The following FGGY variants were observed in gnomAD, a reference collection of about 807,000 sequenced individuals.
FGGY encodes FGGY carbohydrate kinase domain-containing protein.
In FGGY, 72 loss-of-function variants were observed where a neutral mutation model predicts 71.3. The ratio of observed to expected loss-of-function variants is 1.01; its 90% confidence interval spans 0.84 to 1.23. FGGY has a LOEUF of 1.23. Among genes scored for constraint, FGGY ranks in the 50% most tolerant of loss-of-function variants. FGGY has a pLI of 0.00. For missense variants in FGGY, 668 were observed against 682.3 expected (o/e 0.98, Z 0.23); for synonymous variants, 251 against 250.3 (o/e 1.00, Z -0.02).
chr1:59,600,530 C>T (rs1212340294), intron 8 of FGGY, among the ~76,000 whole-genome samples: 1 of 152,080 alleles, frequency 6.6e-6, no homozygotes, highest in African/African-American at 2.4e-5. Flanking sequence ...GAAAGAAGAG[C>T]CTACCAAAGA....
chr1:59,360,391 G>T (rs1413643238), intron 4 of FGGY, among the ~76,000 whole-genome samples: 2 of 152,158 alleles, frequency 1.3e-5, no homozygotes, highest in African/African-American at 4.8e-5. Context: ...ACGGACCTGA[G>T]AAAGAGAGTG....
At chr1:59,692,505 T>C (rs189805091) in intron 14 of FGGY, among the ~76,000 whole-genome samples, 85 of 152,278 alleles carry the variant, frequency 5.6e-4, no homozygotes, top group African/African-American at 1.9e-3. Flanking sequence ...AGCCTCTGTT[T>C]TAAGCAAAAG....
chr1:59,375,025 C>T (rs190621430), intron 4 of FGGY, among the ~76,000 whole-genome samples: 24 of 151,136 alleles, frequency 1.6e-4, no homozygotes, highest in Admixed American at 1.1e-3. Context: ...GGTAACTAAC[C>T]TGCACATTGT....
intron 2 of FGGY, among the ~76,000 whole-genome samples, chr1:59,326,859 A>T (rs1310369507): frequency 1.3e-5 from 2 of 152,352 alleles, no homozygotes; most frequent in East Asian, 3.9e-4. Context: ...AACAAAGCTC[A>T]CATGAATTTT....
intron 14 of FGGY, among the ~76,000 whole-genome samples, chr1:59,730,124 C>T (rs2098007080): frequency 6.6e-6 from 1 of 152,094 alleles, no homozygotes; most frequent in African/African-American, 2.4e-5. Flanking sequence ...CAGCCCCCAA[C>T]ACTTCAAATT....
intron 1 of FGGY, among the ~76,000 whole-genome samples, chr1:59,318,933 T>C (rs2045923182): frequency 6.6e-6 from 1 of 152,106 alleles, no homozygotes; most frequent in Admixed American, 6.5e-5. Context: ...GAGAGGTTGG[T>C]AGAGGGAAGG....
In FGGY at chr1:59,389,194, C is replaced by T. The variant is rs79391999; in HGVS notation, c.554+10357C>T. On this transcript the variant is annotated intron_variant, in intron 5 of 15. Coordinates refer to ENST00000303721, the MANE Select transcript of FGGY (RefSeq NM_018291.5). ...AACTCCTGACCTTGTGATCCGCCCA[C>T]GGCTGAGTGAACAGATAAAAACTTT... 5.4e-3 allele frequency among the ~76,000 whole-genome samples: 819 copies of T among 152,328 alleles called. 7 individuals are homozygous for T. Among genetic ancestry groups the T allele is most frequent in the African/African-American group, 0.018 (764 of 41,582 alleles).
chr1:59,704,581 C>T (rs1032206140), intron 14 of FGGY, among the ~76,000 whole-genome samples: 1 of 151,924 alleles, frequency 6.6e-6, no homozygotes, highest in Non-Finnish European at 1.5e-5. Flanking sequence ...TTTTTATCTA[C>T]AAGATACTTT....
At chr1:59,613,036 A>G (rs1430747611) in intron 9 of FGGY, among the ~76,000 whole-genome samples, 1 of 152,220 alleles carries the variant, frequency 6.6e-6, no homozygotes, top group Non-Finnish European at 1.5e-5. Context: ...AGACTCCCAC[A>G]CAATAATAAT....
chr1:59,734,194 G>A (rs1225759926), intron 14 of FGGY, among the ~76,000 whole-genome samples: 7 of 152,126 alleles, frequency 4.6e-5, no homozygotes, highest in African/African-American at 1.7e-4. Flanking sequence ...AACAGGTGTT[G>A]TATGGTTACA....
At chr1:59,555,098 A>G (rs2095664242) in intron 8 of FGGY, among the ~76,000 whole-genome samples, 1 of 152,180 alleles carries the variant, frequency 6.6e-6, no homozygotes, top group Non-Finnish European at 1.5e-5. Flanking sequence ...AGTTCAGTTG[A>G]TATAAATACA....
intron 7 of FGGY, among the ~76,000 whole-genome samples, chr1:59,537,844 A>G (rs1019289974): frequency 3.3e-5 from 5 of 152,200 alleles, no homozygotes; most frequent in Admixed American, 1.3e-4. Context: ...ACAAAAATCA[A>G]TTCAAGATGG....
At chr1:59,724,557 A>G in intron 14 of FGGY, among the ~76,000 whole-genome samples, 1 of 151,670 alleles carries the variant, frequency 6.6e-6, no homozygotes. Context: ...CTTGACGATC[A>G]CTGATCTTTT....
At chr1:59,671,247 G>C (rs907510154) in intron 13 of FGGY, among the ~76,000 whole-genome samples, 13 of 152,200 alleles carry the variant, frequency 8.5e-5, no homozygotes, top group Admixed American at 8.5e-4. Context: ...TCCAGGCAGG[G>C]AACAGATACA....
chr1:59,587,916 C>T (rs989568134), intron 8 of FGGY, among the ~76,000 whole-genome samples: 3 of 152,328 alleles, frequency 2.0e-5, no homozygotes, highest in Non-Finnish European at 2.9e-5. Flanking sequence ...GATCGCAGTT[C>T]CTCACCAGCA....
chr1:59,393,883 C>T (rs1409351166), intron 5 of FGGY, among the ~76,000 whole-genome samples: 3 of 152,142 alleles, frequency 2.0e-5, no homozygotes, highest in Admixed American at 6.6e-5. Flanking sequence ...GACACAATGT[C>T]GTCTATTCTG....
chr1:59,420,031 C>T (rs892245194), intron 5 of FGGY, among the ~76,000 whole-genome samples: 3 of 152,140 alleles, frequency 2.0e-5, no homozygotes, highest in African/African-American at 4.8e-5. Flanking sequence ...CATTCTGTGA[C>T]GATGCTCTTC....
intron 6 of FGGY, among the ~76,000 whole-genome samples, chr1:59,497,607 A>C (rs1456717218): frequency 1.3e-5 from 2 of 152,130 alleles, no homozygotes; most frequent in African/African-American, 4.8e-5. Flanking sequence ...AAGAAACAAA[A>C]AAAACCAGAG....
intron 8 of FGGY, among the ~76,000 whole-genome samples, chr1:59,568,718 T>C (rs1191792620): frequency 6.6e-6 from 1 of 152,114 alleles, no homozygotes; most frequent in Non-Finnish European, 1.5e-5. Context: ...CCTCTGGGCC[T>C]TCACAGCTGT....
Sources: allele counts gnomAD v4.1 joint callset (sites outside exome capture counted in the v4.1 genomes callset), GRCh38; gene constraint gnomAD v4.1.1; transcripts MANE v1.5; gene names NCBI Gene and HGNC (gene_info 2026-07-23, HGNC 2026-07-21).